Variants in PLXDC2 observed in about 807,000 individuals in gnomAD.
PLXDC2 encodes plexin domain-containing protein 2.
In PLXDC2, 40 loss-of-function variants were observed where a neutral mutation model predicts 68.9. The observed-to-expected ratio is 0.58, with a 90% CI of 0.45 to 0.76. PLXDC2 has a LOEUF of 0.76. Among genes scored for constraint, PLXDC2 ranks in the 30% least tolerant of loss-of-function variants. PLXDC2 has a pLI of 0.00. For missense variants in PLXDC2, 644 were observed against 661.9 expected, an observed-to-expected ratio of 0.97 and a Z score of 0.30; for synonymous variants, 243 against 234.2, an observed-to-expected ratio of 1.04 and a Z score of -0.34.
At chr10:19,903,489 A>T (rs1838191938) in intron 1 of PLXDC2, among the ~76,000 whole-genome samples, 1 of 151,834 alleles carries the variant, frequency 6.6e-6, no homozygotes, top group Non-Finnish European at 1.5e-5. Context: ...ACCCTTGAAT[A>T]ATCTTTTGTA....
intron 4 of PLXDC2, among the ~76,000 whole-genome samples, chr10:20,099,164 A>G (rs1017938628): frequency 6.6e-6 from 1 of 152,194 alleles, no homozygotes; most frequent in Non-Finnish European, 1.5e-5. Flanking sequence ...TACTGCGGCC[A>G]AAAGCATTAC....
At chr10:19,884,866 C>A (rs1343380032) in intron 1 of PLXDC2, among the ~76,000 whole-genome samples, 1 of 152,198 alleles carries the variant, frequency 6.6e-6, no homozygotes, top group East Asian at 1.9e-4. Context: ...GGGTATATAC[C>A]CAGTAATGGG....
chr10:19,830,382 T>C (rs1836665592), intron 1 of PLXDC2, among the ~76,000 whole-genome samples: 1 of 152,232 alleles, frequency 6.6e-6, no homozygotes, highest in African/African-American at 2.4e-5. Context: ...GCATCTACCA[T>C]GTAATCAACA....
chr10:20,036,907 T>A (rs907736627), intron 2 of PLXDC2, among the ~76,000 whole-genome samples: 1 of 152,234 alleles, frequency 6.6e-6, no homozygotes, highest in Admixed American at 6.5e-5. Context: ...ACAATGCAAT[T>A]GATACCAGTG....
chr10:20,111,467 C>T (rs1833559323), intron 4 of PLXDC2, among the ~76,000 whole-genome samples: 1 of 152,144 alleles, frequency 6.6e-6, no homozygotes, highest in South Asian at 2.1e-4. Context: ...GAAAAAAATA[C>T]ATTTTCCTTG....
chr10:19,900,772 A>C (rs912091579), intron 1 of PLXDC2, among the ~76,000 whole-genome samples: 5 of 151,774 alleles, frequency 3.3e-5, no homozygotes, highest in Non-Finnish European at 7.4e-5. Flanking sequence ...CCCTTTGCCC[A>C]GAGCCCCCAA....
At chr10:20,193,247 G>T (rs557444857) in intron 9 of PLXDC2, among the ~76,000 whole-genome samples, 1 of 152,110 alleles carries the variant, frequency 6.6e-6, no homozygotes, top group African/African-American at 2.4e-5. Context: ...ACCGTATCTG[G>T]CCTACTACAG....
At chr10:20,193,301 G>C (rs11011853) in intron 9 of PLXDC2, among the ~76,000 whole-genome samples, 31,329 of 151,842 alleles carry the variant, frequency 0.21, 3,754 homozygotes, top group East Asian at 0.4. Flanking sequence ...CAAATGTATT[G>C]ATTAATGGGA....
At chr10:20,251,273 G>C (rs1221311781) in intron 13 of PLXDC2, among the ~76,000 whole-genome samples, 3 of 152,012 alleles carry the variant, frequency 2.0e-5, no homozygotes, top group Non-Finnish European at 4.4e-5. Flanking sequence ...TTTTCTAAAG[G>C]TTGTCTGATT....
At chr10:20,240,730 A>G (rs2119325144) in intron 12 of PLXDC2, among the ~76,000 whole-genome samples, 1 of 151,750 alleles carries the variant, frequency 6.6e-6, no homozygotes, top group African/African-American at 2.4e-5. Context: ...AAAAAAAAAA[A>G]AGGTTAAATA....
At chr10:20,140,442 C>CTATCTATCTGTCT (rs34794355) in intron 4 of PLXDC2, among the ~76,000 whole-genome samples, 1 of 145,334 alleles carries the variant, frequency 6.9e-6, no homozygotes, top group African/African-American at 2.6e-5. Context: ...TCTATCTATC[C>CTATCTATCTGTCT]GTCTAATCTT....
At chr10:20,134,866 G>A (rs1272252657) in intron 4 of PLXDC2, among the ~76,000 whole-genome samples, 3 of 152,114 alleles carry the variant, frequency 2.0e-5, no homozygotes, top group South Asian at 2.1e-4. Context: ...TGCCTGAAGG[G>A]GTTCACTGGG....
At chr10:20,193,106 T>TA in intron 9 of PLXDC2, among the ~76,000 whole-genome samples, 1 of 152,054 alleles carries the variant, frequency 6.6e-6, no homozygotes, top group South Asian at 2.1e-4. Flanking sequence ...TCCCTGCTCT[T>TA]GTCTAAGTTT....
chr10:19,859,727 A>G (rs1837284706), intron 1 of PLXDC2, among the ~76,000 whole-genome samples: 1 of 151,916 alleles, frequency 6.6e-6, no homozygotes, highest in African/African-American at 2.4e-5. Flanking sequence ...TTTTATTTTT[A>G]CTTATTATAT....
intron 6 of PLXDC2, among the ~76,000 whole-genome samples, chr10:20,160,221 G>T (rs1834272777): frequency 6.6e-6 from 1 of 151,940 alleles, no homozygotes; most frequent in Non-Finnish European, 1.5e-5. Context: ...TCATTCTTAG[G>T]AATCTATTTT....
intron 1 of PLXDC2, among the ~76,000 whole-genome samples, chr10:19,971,740 T>G (rs1315291468): frequency 6.6e-6 from 1 of 152,204 alleles, no homozygotes; most frequent in Non-Finnish European, 1.5e-5. Flanking sequence ...TCCTTTTTTA[T>G]GAAGCAATGT....
intron 9 of PLXDC2, among the ~76,000 whole-genome samples, chr10:20,180,119 G>A (rs538668138): frequency 1.3e-5 from 2 of 152,118 alleles, no homozygotes; most frequent in East Asian, 3.9e-4. Context: ...ATCGAGCAAA[G>A]TCTAAGACTT....
chr10:20,249,399 T>A (rs938923589), intron 13 of PLXDC2, among the ~76,000 whole-genome samples: 5 of 152,154 alleles, frequency 3.3e-5, no homozygotes, highest in Non-Finnish European at 7.4e-5. Context: ...GCTCTGGAAG[T>A]CAGAAGTGCT....
At chr10:19,825,447 G>A (rs1318787598) in intron 1 of PLXDC2, among the ~76,000 whole-genome samples, 1 of 152,116 alleles carries the variant, frequency 6.6e-6, no homozygotes, top group Non-Finnish European at 1.5e-5. Flanking sequence ...TATGATGCTT[G>A]GTAAGTACAC....
Sources: allele counts gnomAD v4.1 joint callset (sites outside exome capture counted in the v4.1 genomes callset), GRCh38; gene constraint gnomAD v4.1.1; transcripts MANE v1.5; gene names NCBI Gene and HGNC (gene_info 2026-07-23, HGNC 2026-07-21).